The following HSD17B12 variants were observed in gnomAD, a reference collection of about 807,000 sequenced individuals.
HSD17B12 encodes the protein very-long-chain 3-oxoacyl-CoA reductase.
HSD17B12 carries 32 observed loss-of-function variants against 39.3 expected under a neutral mutation model. That is an observed-to-expected ratio of 0.81 (90% CI 0.61 to 1.09). The LOEUF is 1.09. Ranked by LOEUF, HSD17B12 falls within the 50% of genes least tolerant of loss-of-function variation. HSD17B12 has a pLI of 0.00. For missense variants in HSD17B12, 342 were observed against 382.9 expected (o/e 0.89, Z 0.89); for synonymous variants, 150 against 146.7 (o/e 1.02, Z -0.16).
chr11:43,854,600 C>A, intron 9 of HSD17B12, 115 bp from the exon 10 acceptor site: 1 of 1,147,028 alleles, frequency 8.7e-7, no homozygotes, highest in Non-Finnish European at 1.2e-6. Flanking sequence ...TCTTCTCTCT[C>A]TGTAAAGATA....
At position 43,778,255 on chromosome 11, in the gene HSD17B12, G is replaced by A. The variant is rs777785333; in HGVS notation, c.284-20065G>A. 2.0e-3 allele frequency among the ~76,000 whole-genome samples: 301 copies of A among 152,242 alleles called. 1 individual carries two copies. Among genetic ancestry groups the A allele is most frequent in the Non-Finnish European group, 3.3e-3 (223 of 68,018 alleles). ...TCTAGAAGAAATGGATAAATTCCTC[G>A]ACACATACACTCTCCCAAGACTAAA... is the stretch of plus-strand genomic sequence containing the variant. On this transcript the variant is annotated intron_variant, in intron 3 of 10. Transcript: ENST00000278353.
chr11:43,599,413 T>C, the HSD17B12 span, among the ~76,000 whole-genome samples: 2 of 152,212 alleles, frequency 1.3e-5, no homozygotes, highest in Non-Finnish European at 2.9e-5. Flanking sequence ...TGATTCTTTA[T>C]TTCTTCTTTT....
the HSD17B12 span, among the ~76,000 whole-genome samples, chr11:43,619,559 T>C: frequency 6.6e-6 from 1 of 151,482 alleles, no homozygotes; most frequent in Admixed American, 6.6e-5. Context: ...CTGGCTAATT[T>C]TTTTGTATTT....
At chr11:43,740,909 C>G (rs1175584364) in intron 1 of HSD17B12, among the ~76,000 whole-genome samples, 3 of 152,250 alleles carry the variant, frequency 2.0e-5, no homozygotes, top group Admixed American at 6.5e-5. Context: ...CCAGCAGGCT[C>G]TGGCCCAGAT....
the HSD17B12 span, chr11:43,570,479 A>G: frequency 6.6e-6 from 1 of 152,220 alleles, no homozygotes; most frequent in African/African-American, 2.4e-5. Flanking sequence ...AGGTTCCTGG[A>G]TGGTGAGGTA....
chr11:43,775,597 T>G (rs1950692900), intron 3 of HSD17B12, among the ~76,000 whole-genome samples: 2 of 151,994 alleles, frequency 1.3e-5, no homozygotes, highest in Middle Eastern at 3.4e-3. Flanking sequence ...TCTTTTTTAT[T>G]TATTTATTTA....
intron 1 of HSD17B12, among the ~76,000 whole-genome samples, chr11:43,704,516 A>G (rs1043197837): frequency 6.6e-6 from 1 of 152,198 alleles, no homozygotes; most frequent in Non-Finnish European, 1.5e-5. Flanking sequence ...CTTGGGGAAG[A>G]TGTGGCAGAT....
chr11:43,748,069 T>C (rs1428427885), intron 1 of HSD17B12, among the ~76,000 whole-genome samples: 3 of 152,184 alleles, frequency 2.0e-5, no homozygotes, highest in Admixed American at 1.3e-4. Context: ...CCATCACTTA[T>C]GAAATGTTAG....
chr11:43,575,055 T>C, the HSD17B12 span, among the ~76,000 whole-genome samples: 1 of 152,220 alleles, frequency 6.6e-6, no homozygotes, highest in African/African-American at 2.4e-5. The surrounding 1 kb of genome is among the most constrained non-coding windows in gnomAD (Gnocchi z 4.1). Flanking sequence ...GGTGGATTTG[T>C]GAATCAGCTC....
chr11:43,637,751 C>T, the HSD17B12 span, among the ~76,000 whole-genome samples: 2 of 152,140 alleles, frequency 1.3e-5, no homozygotes, highest in African/African-American at 4.8e-5. Context: ...GCAACAAGTT[C>T]ATAGAAACAC....
At chr11:43,681,621 G>A (rs1455493880) in intron 1 of HSD17B12, among the ~76,000 whole-genome samples, 1 of 151,744 alleles carries the variant, frequency 6.6e-6, no homozygotes, top group East Asian at 1.9e-4. Flanking sequence ...CTAACGAGTA[G>A]CAAGAACTAT....
chr11:43,830,953 A>G (rs773575775), intron 6 of HSD17B12, 23 bp from the exon 7 acceptor site: 2 of 1,603,830 alleles, frequency 1.2e-6, no homozygotes, highest in Admixed American at 1.7e-5. Flanking sequence ...GCCATCATGA[A>G]TGTTTTGCTT....
intron 3 of HSD17B12, among the ~76,000 whole-genome samples, chr11:43,768,785 G>A (rs905130569): frequency 3.9e-5 from 6 of 152,164 alleles, no homozygotes; most frequent in African/African-American, 1.2e-4. Flanking sequence ...GCTGGCTCTG[G>A]TGGCCAGTTT....
the HSD17B12 span, among the ~76,000 whole-genome samples, chr11:43,581,226 C>G: frequency 7.9e-5 from 12 of 152,000 alleles, no homozygotes; most frequent in Non-Finnish European, 1.5e-5. The surrounding 1 kb of genome is among the most constrained non-coding windows in gnomAD (Gnocchi z 4.9). Flanking sequence ...CGCGGACGGT[C>G]TGGAGAAATG....
intron 1 of HSD17B12, among the ~76,000 whole-genome samples, chr11:43,732,599 G>A (rs1024299231): frequency 6.6e-6 from 1 of 152,028 alleles, no homozygotes; most frequent in Non-Finnish European, 1.5e-5. Context: ...GAGTAGCTGG[G>A]ACTACAGGCA....
At chr11:43,607,178 G>T in the HSD17B12 span, among the ~76,000 whole-genome samples, 1 of 152,086 alleles carries the variant, frequency 6.6e-6, no homozygotes, top group Non-Finnish European at 1.5e-5. Context: ...ATCCTAAATT[G>T]TCTTGCTTCC....
chr11:43,567,924 T>A, the HSD17B12 span, among the ~76,000 whole-genome samples: 2 of 152,274 alleles, frequency 1.3e-5, no homozygotes, highest in South Asian at 4.1e-4. Flanking sequence ...CTCATAATTC[T>A]TATGATTCTC....
chr11:43,657,444 A>G, the HSD17B12 span, among the ~76,000 whole-genome samples: 2 of 152,274 alleles, frequency 1.3e-5, no homozygotes. Flanking sequence ...TCCTGTCACT[A>G]TGATGTTAGC....
chr11:43,589,600 A>C, the HSD17B12 span, among the ~76,000 whole-genome samples: 2 of 152,132 alleles, frequency 1.3e-5, no homozygotes, highest in Non-Finnish European at 2.9e-5. Flanking sequence ...CAGTCTATGC[A>C]TTGCTTCCAC....
Sources: allele counts gnomAD v4.1 joint callset (sites outside exome capture counted in the v4.1 genomes callset), GRCh38; gene constraint gnomAD v4.1.1; non-coding constraint Gnocchi (gnomAD v3.1); transcripts MANE v1.5; gene names NCBI Gene and HGNC (gene_info 2026-07-23, HGNC 2026-07-21).